The following CRIPT variants were observed in gnomAD, a reference collection of about 807,000 sequenced individuals.
The protein encoded by CRIPT is cysteine-rich PDZ-binding protein.
Under a neutral mutation model 16.6 loss-of-function variants are expected in CRIPT, and 20 were observed. The ratio of observed to expected loss-of-function variants is 1.20; its 90% confidence interval spans 0.85 to 1.75. The LOEUF is 1.75. Among genes scored for constraint, CRIPT ranks in the 40% most tolerant of loss-of-function variants. The probability of loss-of-function intolerance (pLI) is 0.00; values close to 1 mark genes in which losing one functional copy is unlikely to be tolerated. For synonymous variants in CRIPT, 42 were observed against 37.0 expected (o/e 1.14, Z -0.49); for missense variants, 133 against 115.3 (o/e 1.15, Z -0.70).
At chr2:46,620,274 C>T (rs1415475043) in intron 3 of CRIPT, among the ~76,000 whole-genome samples, 2 of 152,004 alleles carry the variant, frequency 1.3e-5, no homozygotes, top group African/African-American at 4.8e-5. Context: ...CATGTGAAAC[C>T]CTGTCCTACA....
chr2:46,617,482 T>G (rs1670691912), intron 1 of CRIPT, among the ~76,000 whole-genome samples, 184 bp downstream of exon 1: 1 of 152,148 alleles, frequency 6.6e-6, no homozygotes, highest in East Asian at 1.9e-4. Context: ...CTATATATTT[T>G]GTACTCAGAA....
rs540283011 is a variant in CRIPT, at chr2:46,625,991, G to A, written c.*1764G>A. On this transcript the variant is annotated 3_prime_UTR_variant, in exon 5 of 5. Coordinates refer to ENST00000238892, the MANE Select transcript of CRIPT (RefSeq NM_014171.6). ...GATGTAGGGGTACATGTGCAGGTGAGTTATATGGGTATATTTTGTGATGCT... is the reference window on the plus strand; with the variant it reads ...GATGTAGGGGTACATGTGCAGGTGAATTATATGGGTATATTTTGTGATGCT... Among the ~76,000 whole-genome samples, 126 of 152,150 alleles carry A rather than the reference G, an allele frequency of 8.3e-4. 1 individual carries two copies. Among genetic ancestry groups the A allele is most frequent in the Admixed American group, 1.8e-3 (28 of 15,270 alleles).
chr2:46,627,099 C>G lies in CRIPT; in HGVS notation c.*2872C>G, dbSNP rs910113269. 1.3e-5 allele frequency among the ~76,000 whole-genome samples: 2 copies of G among 152,122 alleles called. No homozygotes were observed. The highest frequency in any genetic ancestry group is 2.4e-5 in the African/African-American group (1 of 41,422). ...CCACCCATCTCAGCCTCCCAAAGTGCTGGGATTACAGGAGTGAGCCACCAC... is the reference window on the plus strand; with the variant it reads ...CCACCCATCTCAGCCTCCCAAAGTGGTGGGATTACAGGAGTGAGCCACCAC... On this transcript the variant is annotated 3_prime_UTR_variant, in exon 5 of 5. Transcript: ENST00000238892.
chr2:46,617,709 A>C (rs1232970242), intron 1 of CRIPT, among the ~76,000 whole-genome samples: 1 of 152,222 alleles, frequency 6.6e-6, no homozygotes, highest in Non-Finnish European at 1.5e-5. Flanking sequence ...TGCCTTATTC[A>C]TTCTCATTAG....
chr2:46,618,733 A>G, intron 1 of CRIPT, 40 bp from the exon 2 acceptor site: 2 of 1,321,530 alleles, frequency 1.5e-6, no homozygotes, highest in Non-Finnish European at 2.2e-6. Flanking sequence ...CTTATTAAAT[A>G]ATAAAGTTTA....
Position 46,617,411 on chromosome 2 carries a change from A to C in CRIPT, c.16+113A>C, listed in dbSNP as rs188756125. 120 of 1,215,390 alleles carry C rather than the reference A, an allele frequency of 9.9e-5. No individual in the cohort carries two copies. In the African/African-American group the frequency reaches 1.6e-3, roughly 16 times the overall value. 75.3% of individuals were successfully genotyped at this position (1,215,390 alleles called of 1,614,324 possible). ...TCTTCGCCCACAGGTCTCAGATTCT[A>C]TCCGCTGTCTTTCTACCCTACCCTT... is the stretch of plus-strand genomic sequence containing the variant. On this transcript the variant is annotated intron_variant, in intron 1 of 4. Transcript: ENST00000238892.
rs896565175 is a variant in CRIPT, at chr2:46,623,748, T to G, written c.138-16T>G. The G allele has an allele frequency of 2.0e-6, 3 of 1,492,068 alleles. No homozygotes were observed. In the Admixed American group the frequency reaches 5.3e-5, roughly 27 times the overall value. 92.4% of individuals were successfully genotyped at this position (1,492,068 alleles called of 1,614,324 possible). A position where few individuals can be genotyped will look rare whatever the true frequency, so the allele number is the denominator to read the frequency against. On this transcript the variant is annotated splice_polypyrimidine_tract_variant and intron_variant, in intron 3 of 4. Coordinates refer to ENST00000238892, the MANE Select transcript of CRIPT (RefSeq NM_014171.6). ...AGTGTAATATACAATTTTCTCTCTT[T>G]AAAAAAAATTTCTAGATTTGATCCA...
intron 3 of CRIPT, among the ~76,000 whole-genome samples, chr2:46,621,537 C>A (rs569356489): frequency 6.6e-6 from 1 of 152,154 alleles, no homozygotes; most frequent in Admixed American, 6.5e-5. Context: ...TATTTGAAAA[C>A]CTTGCTTGTT....
chr2:46,626,115 C>A lies in CRIPT; in HGVS notation c.*1888C>A, dbSNP rs374808383. Among the ~76,000 whole-genome samples, 2 of 152,036 alleles carry A rather than the reference C, an allele frequency of 1.3e-5. No homozygotes were observed. The highest frequency in any genetic ancestry group is 2.4e-5 in the African/African-American group (1 of 41,376). ...CCCTCCCCTCTTCCCTCCAGTAGTC[C>A]CCTATGTCTGTTCTCATTTTTATGT... is the stretch of plus-strand genomic sequence containing the variant. On this transcript the variant is annotated 3_prime_UTR_variant, in exon 5 of 5. Coordinates refer to ENST00000238892, the MANE Select transcript of CRIPT (RefSeq NM_014171.6).
chr2:46,618,469 T>G (rs1168342369), intron 1 of CRIPT, among the ~76,000 whole-genome samples: 1 of 152,200 alleles, frequency 6.6e-6, no homozygotes, highest in Non-Finnish European at 1.5e-5. Flanking sequence ...TTTGTATAGT[T>G]TATACATGAT....
Position 46,624,353 on chromosome 2 carries a change from T to G in CRIPT, c.*126T>G, listed in dbSNP as rs1050333848. ...TTAAGTTTAAACCAGAGAATTTGAT[T>G]GTTACTCATTTTGCTCTCATGTTCT... is the stretch of plus-strand genomic sequence containing the variant. On this transcript the variant is annotated 3_prime_UTR_variant, in exon 5 of 5. Coordinates refer to ENST00000238892, the MANE Select transcript of CRIPT (RefSeq NM_014171.6). 1 of 516,204 alleles carries G rather than the reference T, an allele frequency of 1.9e-6. No individual in the cohort carries two copies. The allele number at this position is 516,204 out of a possible 1,614,324, so 32.0% of individuals were successfully genotyped here.
intron 2 of CRIPT, among the ~76,000 whole-genome samples, 174 bp from the exon 3 acceptor site, chr2:46,619,453 T>C (rs1336129643): frequency 1.3e-5 from 2 of 152,146 alleles, no homozygotes; most frequent in African/African-American, 4.8e-5. Context: ...AAATTTTTAC[T>C]GTTTCCCTAA....
intron 2 of CRIPT, among the ~76,000 whole-genome samples, chr2:46,619,116 G>T (rs981774853): frequency 1.8e-4 from 27 of 152,200 alleles, no homozygotes; most frequent in African/African-American, 6.5e-4. Context: ...ATTTGATTCA[G>T]CTTATTTAGA....
chr2:46,623,609 G>T (rs189776371), intron 3 of CRIPT, among the ~76,000 whole-genome samples, 155 bp from the exon 4 acceptor site: 2 of 152,320 alleles, frequency 1.3e-5, no homozygotes, highest in African/African-American at 4.8e-5. Flanking sequence ...AGGCATATCA[G>T]ACAGTAGCCA....
chr2:46,617,564 C>G (rs549411276), intron 1 of CRIPT, among the ~76,000 whole-genome samples: 1 of 152,266 alleles, frequency 6.6e-6, no homozygotes, highest in South Asian at 2.1e-4. Context: ...CAGCTCTCCT[C>G]CCATATAAAA....
At chr2:46,618,915 A>G (rs1670737219) in intron 2 of CRIPT, 77 bp downstream of exon 2, 1 of 903,076 alleles carries the variant, frequency 1.1e-6, no homozygotes, top group Non-Finnish European at 1.8e-6. Context: ...CATTATTTGT[A>G]CAATGAAATG....
In CRIPT at chr2:46,629,285, A is replaced by G. The variant is rs1671016461; in HGVS notation, c.*5058A>G. ...TAGAATCCTCGACCCATTAGAAAGT[A>G]TATTGTAGACATCATACTCTTTACC... On this transcript the variant is annotated 3_prime_UTR_variant, in exon 5 of 5. Coordinates refer to ENST00000238892, the MANE Select transcript of CRIPT (RefSeq NM_014171.6). Among the ~76,000 whole-genome samples the G allele has an allele frequency of 6.6e-6, 1 of 152,180 alleles. No individual in the cohort carries two copies. Among genetic ancestry groups the G allele is most frequent in the Non-Finnish European group, 1.5e-5 (1 of 68,038 alleles).
chr2:46,624,251 T>C lies in CRIPT; in HGVS notation c.*24T>C. ...AGATGTATTGATGGAATTTCTGGCT[T>C]TCTAAATGATTTTACTTTCTGCCTT... is the stretch of plus-strand genomic sequence containing the variant. On this transcript the variant is annotated 3_prime_UTR_variant, in exon 5 of 5. Coordinates refer to ENST00000238892, the MANE Select transcript of CRIPT (RefSeq NM_014171.6). 6.7e-7 allele frequency: 1 copy of C among 1,498,986 alleles called. No homozygotes were observed. Among genetic ancestry groups the C allele is most frequent in the Non-Finnish European group, 9.0e-7 (1 of 1,105,906 alleles). The allele number at this position is 1,498,986 out of a possible 1,614,324, so 92.9% of individuals were successfully genotyped here.
chr2:46,619,129 C>T (rs1670743877), intron 2 of CRIPT, among the ~76,000 whole-genome samples: 1 of 152,040 alleles, frequency 6.6e-6, no homozygotes. Context: ...TATTTAGAGT[C>T]TGTATTTAAT....
Sources: gnomAD v4.1 joint callset for allele counts (sites outside exome capture counted in the v4.1 genomes callset) on GRCh38, gnomAD v4.1.1 for gene constraint, MANE v1.5 for transcripts, NCBI Gene and HGNC (gene_info 2026-07-23, HGNC 2026-07-21) for gene names.